C2orf78: variants seen among roughly 807,000 people sequenced by gnomAD.
C2orf78 encodes chromosome 2 open reading frame 78.
Under a neutral mutation model 21.4 loss-of-function variants are expected in C2orf78, and 12 were observed. The ratio of observed to expected loss-of-function variants is 0.56; its 90% CI spans 0.36 to 0.91. The LOEUF (loss-of-function observed/expected upper bound fraction) is 0.91, where lower values mean the gene tolerates loss of function less well. Ranked by LOEUF, C2orf78 falls within the 40% of genes least tolerant of loss-of-function variation. The pLI is 0.01. For synonymous variants in C2orf78, 396 were observed against 413.9 expected (o/e 0.96, Z 0.52); for missense variants, 1,042 against 1,092.4 (o/e 0.95, Z 0.65).
exon 2 of C2orf78, chr2:73,813,626 T>A: frequency 1.2e-6 from 2 of 1,614,044 alleles, no homozygotes; most frequent in Non-Finnish European, 1.7e-6. Flanking sequence ...GCTACAGCCA[T>A]CAGCCTCTGG....
At chr2:73,810,656 C>G (rs1253306936) in intron 1 of C2orf78, among the ~76,000 whole-genome samples, 1 of 117,728 alleles carries the variant, frequency 8.5e-6, no homozygotes, top group Non-Finnish European at 1.7e-5. Flanking sequence ...ATGTATATAT[C>G]TATAATATAT....
exon 2 of C2orf78, chr2:73,814,196 T>A: frequency 1.3e-6 from 2 of 1,585,816 alleles, no homozygotes; most frequent in Non-Finnish European, 1.7e-6. Flanking sequence ...CTCTGTGTCT[T>A]CTCAACCCAT....
exon 2 of C2orf78, chr2:73,813,675 A>G: frequency 1.2e-6 from 2 of 1,613,906 alleles, no homozygotes; most frequent in Non-Finnish European, 1.7e-6. Flanking sequence ...GCCTACCTTT[A>G]CCAACATTCT....
chr2:73,816,765 C>G, exon 3 of C2orf78: 2 of 1,613,990 alleles, frequency 1.2e-6, no homozygotes, highest in Non-Finnish European at 1.7e-6. Flanking sequence ...ATTTCTAATC[C>G]AAGACTTCAG....
At chr2:73,812,921 A>G (rs1673116781) in intron 1 of C2orf78, among the ~76,000 whole-genome samples, 1 of 152,174 alleles carries the variant, frequency 6.6e-6, no homozygotes, top group African/African-American at 2.4e-5. Context: ...TAGCTGTACT[A>G]TATTCTAGTA....
chr2:73,814,954 A>T, intron 2 of C2orf78, 117 bp from the exon 3 acceptor site: 1 of 951,164 alleles, frequency 1.1e-6, no homozygotes, highest in Non-Finnish European at 1.6e-6. Context: ...CATGGTCCTT[A>T]AGAAGAGCTA....
intron 1 of C2orf78, among the ~76,000 whole-genome samples, chr2:73,813,168 C>G (rs1212389661): frequency 2.6e-5 from 4 of 152,186 alleles, no homozygotes; most frequent in Non-Finnish European, 5.9e-5. Context: ...TGAGTCTATA[C>G]TAGCCCAGAT....
intron 1 of C2orf78, among the ~76,000 whole-genome samples, chr2:73,812,212 T>A (rs544550532): frequency 1.4e-4 from 21 of 152,340 alleles, no homozygotes; most frequent in African/African-American, 4.8e-4. Context: ...GTAGATACTA[T>A]TCAGTTTCCT....
chr2:73,813,737 G>C (rs749378826), exon 2 of C2orf78: 2 of 1,614,038 alleles, frequency 1.2e-6, no homozygotes, highest in Non-Finnish European at 1.7e-6. Flanking sequence ...CTGTACTTCA[G>C]CTGCCTCTTA....
chr2:73,816,477 G>C, exon 3 of C2orf78: 1 of 1,613,892 alleles, frequency 6.2e-7, no homozygotes, highest in Non-Finnish European at 8.5e-7. Flanking sequence ...GGCTTACCCT[G>C]CTCGACCTGA....
At chr2:73,809,987 T>A (rs1425652255) in intron 1 of C2orf78, among the ~76,000 whole-genome samples, 1 of 151,464 alleles carries the variant, frequency 6.6e-6, no homozygotes, top group Non-Finnish European at 1.5e-5. Flanking sequence ...GAAATGATTT[T>A]AAAATAAAAA....
At chr2:73,813,917 T>C in exon 2 of C2orf78, 2 of 1,614,044 alleles carry the variant, frequency 1.2e-6, no homozygotes, top group Non-Finnish European at 1.7e-6. Context: ...TCTGTATCCA[T>C]CACTATCTGC....
intron 1 of C2orf78, among the ~76,000 whole-genome samples, chr2:73,807,972 A>G (rs1421372094): frequency 2.6e-5 from 4 of 151,082 alleles, no homozygotes; most frequent in Non-Finnish European, 4.4e-5. Flanking sequence ...AATCGGCAGT[A>G]GGGCCGGGTG....
intron 1 of C2orf78, among the ~76,000 whole-genome samples, chr2:73,810,614 A>T (rs1191466624): frequency 2.2e-5 from 3 of 137,682 alleles, no homozygotes; most frequent in Non-Finnish European, 4.6e-5. Flanking sequence ...TATATATTTT[A>T]TATATATACA....
exon 2 of C2orf78, chr2:73,813,937 T>A: frequency 2.5e-6 from 4 of 1,614,056 alleles, no homozygotes; most frequent in Non-Finnish European, 3.4e-6. Flanking sequence ...CCAGCCTTGT[T>A]CAGGGGACAC....
chr2:73,785,854 C>G (rs1345291626), intron 1 of C2orf78, among the ~76,000 whole-genome samples: 1 of 151,938 alleles, frequency 6.6e-6, no homozygotes, highest in Non-Finnish European at 1.5e-5. Context: ...TGAGACAAGC[C>G]TGACCAACAA....
At position 73,784,586 on chromosome 2, in the gene C2orf78, T is replaced by G. The variant is rs868656822; in HGVS notation, c.97+180T>G. On this transcript the variant is annotated intron_variant, in intron 1 of 2. Transcript: ENST00000409561. Reference sequence around the variant, plus strand: ...TACTAGCTGTGTGACTTTAGATAACTTTTATTCTCTCACAAAATCTGTTTC... The same window carrying G: ...TACTAGCTGTGTGACTTTAGATAACGTTTATTCTCTCACAAAATCTGTTTC... Among the ~76,000 whole-genome samples, 587 of 151,262 alleles carry G rather than the reference T, an allele frequency of 3.9e-3. 3 individuals are homozygous for G. The highest frequency in any genetic ancestry group is 0.011 in the South Asian group (55 of 4,826).
At chr2:73,785,823 G>A (rs940869914) in intron 1 of C2orf78, among the ~76,000 whole-genome samples, 3 of 151,972 alleles carry the variant, frequency 2.0e-5, no homozygotes, top group African/African-American at 7.3e-5. Flanking sequence ...GAGGTGGGCT[G>A]ATCACCTGAG....
At chr2:73,816,143 C>G (rs200932352) in exon 3 of C2orf78, 3 of 1,613,806 alleles carry the variant, frequency 1.9e-6, no homozygotes, top group Admixed American at 1.7e-5. Context: ...TCCATGCACT[C>G]GGGAAAAAGA....
Sources: allele counts gnomAD v4.1 joint callset (sites outside exome capture counted in the v4.1 genomes callset), GRCh38; gene constraint gnomAD v4.1.1; transcripts MANE v1.5; gene names NCBI Gene and HGNC (gene_info 2026-07-23, HGNC 2026-07-21).